Variants in HS6ST2 observed in about 807,000 individuals in gnomAD.
HS6ST2 encodes heparan sulfate 6-O-sulfotransferase 2.
Under a neutral mutation model 33.0 loss-of-function variants are expected in HS6ST2, and 17 were observed. That is an observed-to-expected ratio of 0.52 (90% confidence interval 0.35 to 0.77). The LOEUF is 0.77. HS6ST2 is among the 30% of genes least tolerant of loss of function. The pLI is 0.01. For missense variants in HS6ST2, 519 were observed against 551.7 expected (o/e 0.94, Z 0.59); for synonymous variants, 248 against 237.1 (o/e 1.05, Z -0.42).
At chrX:132,770,038 T>G (rs1478957428) in intron 2 of HS6ST2, among the ~76,000 whole-genome samples, 1 of 112,210 alleles carries the variant, frequency 8.9e-6, no homozygotes, top group African/African-American at 3.2e-5. Flanking sequence ...CATTTGTTAC[T>G]TCATTGAATC....
At chrX:132,790,734 G>A (rs961385597) in intron 2 of HS6ST2, among the ~76,000 whole-genome samples, 2 of 112,005 alleles carry the variant, frequency 1.8e-5, no homozygotes, top group African/African-American at 3.2e-5. Context: ...AGATACATAC[G>A]TATCTCTAAA....
intron 2 of HS6ST2, among the ~76,000 whole-genome samples, chrX:132,762,249 C>T (rs761216103): frequency 9.0e-6 from 1 of 111,173 alleles, no homozygotes; most frequent in South Asian, 3.9e-4. Context: ...ATATTGAGCT[C>T]TTTGAGGGCA....
At chrX:132,936,535 A>T (rs764839521) in intron 2 of HS6ST2, among the ~76,000 whole-genome samples, 1 of 112,258 alleles carries the variant, frequency 8.9e-6, no homozygotes. Context: ...AAAACTATAG[A>T]CCAATGTCTC....
chrX:132,938,629 G>T (rs1216260857), intron 2 of HS6ST2, among the ~76,000 whole-genome samples: 5 of 110,709 alleles, frequency 4.5e-5, no homozygotes, highest in Middle Eastern at 4.6e-3. Context: ...ATGACAGTGA[G>T]ACCTTGTCTC....
At chrX:132,868,651 G>A (rs2066020260) in intron 2 of HS6ST2, among the ~76,000 whole-genome samples, 1 of 111,912 alleles carries the variant, frequency 8.9e-6, no homozygotes, top group Admixed American at 9.5e-5. Flanking sequence ...TGACTACATG[G>A]AAACTAAACA....
intron 2 of HS6ST2, among the ~76,000 whole-genome samples, chrX:132,884,133 C>G (rs750888596): frequency 2.7e-5 from 3 of 111,389 alleles, no homozygotes; most frequent in African/African-American, 9.8e-5. Flanking sequence ...TCCTTGGGAA[C>G]TCCATGTGGC....
At chrX:132,715,365 G>T (rs1427763617) in intron 2 of HS6ST2, among the ~76,000 whole-genome samples, 1 of 112,310 alleles carries the variant, frequency 8.9e-6, no homozygotes. Context: ...GAGCCCAGGA[G>T]TTCAAGGCTG....
intron 4 of HS6ST2, among the ~76,000 whole-genome samples, chrX:132,637,875 A>C (rs6638015): frequency 1.4e-4 from 5 of 37,033 alleles, no homozygotes; most frequent in African/African-American, 1.0e-3. Context: ...TATTATATAT[A>C]ATATATATAT....
At position 132,688,952 on chromosome X, in the gene HS6ST2, C is replaced by T. The variant is rs138826431; in HGVS notation, c.980+19510G>A. Among the ~76,000 whole-genome samples the T allele has an allele frequency of 2.8e-3, 312 of 112,069 alleles. 4 individuals are homozygous for T. Among genetic ancestry groups the T allele is most frequent in the African/African-American group, 9.6e-3 (298 of 30,899 alleles). ...TGTATGGGCTTCAAAGACAGCTAAT[C>T]AATGCAAAATATATCTTGAAACTGC... is the stretch of plus-strand genomic sequence containing the variant. On this transcript the variant is annotated intron_variant, in intron 3 of 4. Coordinates refer to ENST00000370833, the MANE Select transcript of HS6ST2 (RefSeq NM_001394073.1).
chrX:132,932,410 A>G (rs1166229641), intron 2 of HS6ST2, among the ~76,000 whole-genome samples: 1 of 111,755 alleles, frequency 8.9e-6, no homozygotes, highest in Non-Finnish European at 1.9e-5. Flanking sequence ...GACTCTGCAC[A>G]TGCCCAAGAC....
chrX:132,744,028 A>G (rs1316092959), intron 2 of HS6ST2, among the ~76,000 whole-genome samples: 6 of 110,907 alleles, frequency 5.4e-5, no homozygotes, highest in Non-Finnish European at 1.1e-4. Flanking sequence ...GCCTCAAGTG[A>G]TCTCCTGCCT....
At chrX:132,654,589 T>C (rs2063717607) in intron 4 of HS6ST2, among the ~76,000 whole-genome samples, 1 of 112,432 alleles carries the variant, frequency 8.9e-6, no homozygotes, top group African/African-American at 3.2e-5. Flanking sequence ...CTTCTTTATG[T>C]ATCCATTTTT....
chrX:132,943,898 A>T (rs1180863376), intron 2 of HS6ST2, among the ~76,000 whole-genome samples: 1 of 110,406 alleles, frequency 9.1e-6, no homozygotes, highest in Admixed American at 9.7e-5. Flanking sequence ...CCACAGCCAA[A>T]ATCATACTGA....
chrX:132,649,727 G>A (rs945258825), intron 4 of HS6ST2, among the ~76,000 whole-genome samples: 8 of 110,723 alleles, frequency 7.2e-5, no homozygotes, highest in Non-Finnish European at 1.5e-4. Flanking sequence ...GCGCAGTGGC[G>A]GCCACCTGTA....
chrX:132,880,768 C>A (rs2066161590), intron 2 of HS6ST2, among the ~76,000 whole-genome samples: 1 of 89,434 alleles, frequency 1.1e-5, no homozygotes, highest in Non-Finnish European at 2.2e-5. Flanking sequence ...CTAATGCTAT[C>A]CCTCCCCCCT....
At chrX:132,745,333 C>T (rs972430380) in intron 2 of HS6ST2, among the ~76,000 whole-genome samples, 7 of 112,266 alleles carry the variant, frequency 6.2e-5, no homozygotes, top group Non-Finnish European at 7.5e-5. Context: ...GATCTGCCTG[C>T]CTTAGCCTCC....
intron 2 of HS6ST2, among the ~76,000 whole-genome samples, chrX:132,815,873 C>A (rs1477885534): frequency 9.0e-6 from 1 of 111,320 alleles, no homozygotes; most frequent in Non-Finnish European, 1.9e-5. Context: ...CTAAAGGATG[C>A]AGGGTTTCTT....
chrX:132,637,764 TTATATATTTA>T (rs1438335690), intron 4 of HS6ST2, among the ~76,000 whole-genome samples: 36 of 73,281 alleles, frequency 4.9e-4, no homozygotes, highest in African/African-American at 1.8e-3. Flanking sequence ...ATATAAAATA[TTATATATTTA>T]TATATATAAT....
chrX:132,883,235 T>C (rs1210494559), intron 2 of HS6ST2, among the ~76,000 whole-genome samples: 2 of 111,564 alleles, frequency 1.8e-5, no homozygotes, highest in African/African-American at 6.5e-5. Context: ...CTGGTAGAAT[T>C]CAGCTGTGAA....
Sources: gnomAD v4.1 joint callset for allele counts (sites outside exome capture counted in the v4.1 genomes callset) on GRCh38, gnomAD v4.1.1 for gene constraint, MANE v1.5 for transcripts, NCBI Gene and HGNC (gene_info 2026-07-23, HGNC 2026-07-21) for gene names.